Variants in GRM5 observed in about 807,000 individuals in gnomAD.
GRM5 encodes the protein metabotropic glutamate receptor 5.
In GRM5, 19 loss-of-function variants were observed where a neutral mutation model predicts 83.1. The observed-to-expected ratio is 0.23, with a 90% CI of 0.16 to 0.34. GRM5 has a LOEUF of 0.34. GRM5 is among the 10% of genes least tolerant of loss of function. The pLI is 1.00. For synonymous variants in GRM5, 675 were observed against 633.6 expected (o/e 1.07, Z -0.98); for missense variants, 1,160 against 1,588.3 (o/e 0.73, Z 4.58).
At position 88,628,702 on chromosome 11, in the gene GRM5, A is replaced by G. The variant is rs533274181; in HGVS notation, c.1148-23738T>C. 7.2e-5 allele frequency among the ~76,000 whole-genome samples: 11 copies of G among 152,340 alleles called. No homozygotes were observed. In the South Asian group the frequency reaches 2.3e-3, roughly 32 times the overall value. On this transcript the variant is annotated intron_variant, in intron 4 of 9. Coordinates refer to ENST00000305447, the MANE Select transcript of GRM5 (RefSeq NM_001143831.3). ...TCCATCAGGAGCAGGAGAAAGGTATATCAAGTCAGGGTAATTAACAGTAGC... is the reference window on the plus strand; with the variant it reads ...TCCATCAGGAGCAGGAGAAAGGTATGTCAAGTCAGGGTAATTAACAGTAGC...
At chr11:88,825,289 T>C (rs2135513874) in intron 3 of GRM5, among the ~76,000 whole-genome samples, 1 of 152,254 alleles carries the variant, frequency 6.6e-6, no homozygotes, top group East Asian at 1.9e-4. Context: ...TTTTTCTTTG[T>C]TGATGTATAT....
Position 88,876,842 on chromosome 11 carries a change from A to T in GRM5, c.662-26687T>A, listed in dbSNP as rs1944861481. 1.3e-5 allele frequency among the ~76,000 whole-genome samples: 2 copies of T among 152,106 alleles called. 1 individual carries two copies. The highest frequency in any genetic ancestry group is 2.9e-5 in the Non-Finnish European group (2 of 68,030). ...GATTTGGGATTCCCTAAACACAGAT[A>T]AAAAATGTGGTATATAAACACAATG... On this transcript the variant is annotated intron_variant, in intron 2 of 9. Transcript: ENST00000305447.
intron 3 of GRM5, among the ~76,000 whole-genome samples, chr11:88,717,440 C>T (rs1480228426): frequency 6.6e-6 from 1 of 151,398 alleles, no homozygotes. Flanking sequence ...TCATAAAAAC[C>T]CTATATACTA....
chr11:88,849,233 C>T (rs1944349634), intron 3 of GRM5, among the ~76,000 whole-genome samples: 1 of 151,826 alleles, frequency 6.6e-6, no homozygotes, highest in African/African-American at 2.4e-5. Context: ...CACATATATG[C>T]ATATTTTTTA....
At chr11:89,014,688 T>C (rs1223629289) in intron 2 of GRM5, among the ~76,000 whole-genome samples, 1 of 152,170 alleles carries the variant, frequency 6.6e-6, no homozygotes, top group Admixed American at 6.5e-5. Flanking sequence ...AATTGGATTG[T>C]TTGTAACTCA....
At chr11:88,582,055 C>T (rs559664886) in intron 7 of GRM5, among the ~76,000 whole-genome samples, 2 of 152,286 alleles carry the variant, frequency 1.3e-5, no homozygotes, top group South Asian at 4.1e-4. Context: ...TTCATTTCTT[C>T]ATTTCCTCTC....
chr11:88,523,892 A>G (rs935867484), intron 9 of GRM5: 1 of 152,224 alleles, frequency 6.6e-6, no homozygotes, highest in Non-Finnish European at 1.5e-5. Context: ...GTGAAATTTC[A>G]ACAGGATTAT....
intron 4 of GRM5, among the ~76,000 whole-genome samples, chr11:88,619,251 T>C (rs1181681619): frequency 6.6e-6 from 1 of 152,202 alleles, no homozygotes; most frequent in African/African-American, 2.4e-5. Context: ...ATGTCTGAGA[T>C]GCAAGAGATT....
chr11:88,708,014 C>G (rs1354329044), intron 3 of GRM5, among the ~76,000 whole-genome samples: 1 of 152,060 alleles, frequency 6.6e-6, no homozygotes, highest in Admixed American at 6.6e-5. Context: ...ACCACCTGCA[C>G]TACAATTTTC....
At chr11:88,811,479 C>A (rs1292440119) in intron 3 of GRM5, among the ~76,000 whole-genome samples, 1 of 152,024 alleles carries the variant, frequency 6.6e-6, no homozygotes, top group East Asian at 1.9e-4. Context: ...ACCCTGGGTT[C>A]TTTTAGATAC....
chr11:88,612,067 C>G (rs927469143), intron 4 of GRM5, among the ~76,000 whole-genome samples: 2 of 150,530 alleles, frequency 1.3e-5, no homozygotes, highest in African/African-American at 2.4e-5. Context: ...ACTGCACCCA[C>G]TAACTCGTCA....
intron 2 of GRM5, among the ~76,000 whole-genome samples, chr11:88,931,643 T>G (rs372457637): frequency 6.6e-6 from 1 of 152,128 alleles, no homozygotes; most frequent in Non-Finnish European, 1.5e-5. Flanking sequence ...CTAAAAGAGA[T>G]AAAATACAGT....
intron 3 of GRM5, among the ~76,000 whole-genome samples, chr11:88,784,257 T>C (rs1943025164): frequency 6.6e-6 from 1 of 152,102 alleles, no homozygotes; most frequent in South Asian, 2.1e-4. Flanking sequence ...CCTAATTATA[T>C]ACTGATCCAT....
intron 2 of GRM5, among the ~76,000 whole-genome samples, chr11:88,894,628 G>A (rs1945201598): frequency 6.6e-6 from 1 of 151,500 alleles, no homozygotes; most frequent in Non-Finnish European, 1.5e-5. Context: ...GGAACTTAAT[G>A]GCAGAATCGG....
intron 3 of GRM5, among the ~76,000 whole-genome samples, chr11:88,696,315 C>T (rs185085904): frequency 3.9e-5 from 6 of 152,066 alleles, no homozygotes; most frequent in Admixed American, 1.3e-4. Flanking sequence ...CTAGGGTTTC[C>T]GGTGTTTTAT....
intron 7 of GRM5, among the ~76,000 whole-genome samples, chr11:88,587,664 T>G (rs545237284): frequency 5.3e-5 from 8 of 152,172 alleles, no homozygotes; most frequent in African/African-American, 1.2e-4. Context: ...AAGCAGGTCA[T>G]AAAACTCTCA....
chr11:88,936,818 T>G (rs1937914411), intron 2 of GRM5, among the ~76,000 whole-genome samples: 1 of 151,794 alleles, frequency 6.6e-6, no homozygotes, highest in African/African-American at 2.4e-5. Flanking sequence ...TTAGTTTTGT[T>G]TGGACCAATT....
chr11:88,702,806 G>A (rs1033604467), intron 3 of GRM5, among the ~76,000 whole-genome samples: 4 of 151,960 alleles, frequency 2.6e-5, no homozygotes, highest in African/African-American at 9.7e-5. Flanking sequence ...TATACACCAG[G>A]GGCACCATGC....
intron 5 of GRM5, among the ~76,000 whole-genome samples, chr11:88,602,637 T>G (rs1262978440): frequency 6.6e-6 from 1 of 152,218 alleles, no homozygotes; most frequent in Non-Finnish European, 1.5e-5. Flanking sequence ...GTCTTTAAAA[T>G]TTTGATCCTG....
Sources: allele counts gnomAD v4.1 joint callset (sites outside exome capture counted in the v4.1 genomes callset), GRCh38; gene constraint gnomAD v4.1.1; transcripts MANE v1.5; gene names NCBI Gene and HGNC (gene_info 2026-07-23, HGNC 2026-07-21).